Variants in PRKAA1 observed in about 807,000 individuals in gnomAD.
PRKAA1 encodes 5'-AMP-activated protein kinase catalytic subunit alpha-1.
In PRKAA1, 23 loss-of-function variants were observed where a neutral mutation model predicts 56.9. The ratio of observed to expected loss-of-function variants is 0.40; its 90% CI spans 0.29 to 0.57. The LOEUF (loss-of-function observed/expected upper bound fraction) is 0.57, where lower values mean the gene tolerates loss of function less well. PRKAA1 is among the 20% of genes least tolerant of loss of function. The pLI is 0.39. For synonymous variants in PRKAA1, 226 were observed against 227.0 expected (o/e 1.00, Z 0.04); for missense variants, 413 against 679.7 (o/e 0.61, Z 4.36).
At chr5:40,793,117 G>GT (rs1744784559) in intron 1 of PRKAA1, among the ~76,000 whole-genome samples, 1 of 151,544 alleles carries the variant, frequency 6.6e-6, no homozygotes, top group Non-Finnish European at 1.5e-5. Flanking sequence ...CAACTTAATA[G>GT]TTTATATGTA....
Position 40,798,130 on chromosome 5 carries a change from C to CCCGT in PRKAA1, c.56_59dup (p.Val22AlafsTer11). ...GAATGTAGTGGCCGATCTTCACCCG[C>CCCGT]CCGTCGTGTTTCTGCTTCTCGGCTG... On this transcript the variant is annotated frameshift_variant, in exon 1 of 9. Transcript: ENST00000397128. LOFTEE classifies it high-confidence loss of function. 6.2e-7 allele frequency: 1 copy of CCCGT among 1,607,364 alleles called. No homozygotes were observed. Among genetic ancestry groups the CCCGT allele is most frequent in the Non-Finnish European group, 8.5e-7 (1 of 1,176,310 alleles).
chr5:40,763,170 G>C, intron 8 of PRKAA1, 148 bp from the exon 9 acceptor site: 1 of 756,060 alleles, frequency 1.3e-6, no homozygotes, highest in African/African-American at 1.8e-5. Context: ...CAGTCAATGA[G>C]CCTGTATTAA....
At position 40,778,832 on chromosome 5, in the gene PRKAA1, G is replaced by C. The variant is rs542383073; in HGVS notation, c.128-1246C>G. 1.5e-4 allele frequency among the ~76,000 whole-genome samples: 22 copies of C among 143,216 alleles called. No individual in the cohort carries two copies. In the South Asian group the frequency reaches 4.9e-3, roughly 32 times the overall value. The allele number at this position is 143,216 out of a possible 152,430, so 94.0% of individuals were successfully genotyped here. A position where few individuals can be genotyped will look rare whatever the true frequency, so the allele number is the denominator to read the frequency against. On this transcript the variant is annotated intron_variant, in intron 1 of 8. Coordinates refer to ENST00000397128, the MANE Select transcript of PRKAA1 (RefSeq NM_006251.6). ...GACAGGGTGTCACTCTATCACCCAG[G>C]GTGGAGTGCCGTGTCACAATCAGAG...
At position 40,775,425 on chromosome 5, in the gene PRKAA1, G is replaced by A. The variant is rs1743954394; in HGVS notation, c.348C>T (p.Ile116=). 2 of 1,598,164 alleles carry A rather than the reference G, an allele frequency of 1.3e-6. No individual in the cohort carries two copies. Among genetic ancestry groups the A allele is most frequent in the African/African-American group, 1.3e-5 (1 of 74,542 alleles). The change falls in exon 3 of 9, where the codon ATC becomes ATT. Residue 116 remains isoleucine, a synonymous_variant. Transcript: ENST00000397128. ...AACAGCTTACCCTTCCATTCTTACA[G>A]ATATAATCAAATAGCTCTCCTCCTG... The part of the protein sequence containing the change: ...YVSGGELFDY[I]CKNGRLDEKE...
intron 3 of PRKAA1, among the ~76,000 whole-genome samples, chr5:40,775,140 G>A (rs1349985636): frequency 6.6e-6 from 1 of 152,142 alleles, no homozygotes; most frequent in African/African-American, 2.4e-5. Context: ...AGTTCTGGGG[G>A]CTCAAGCCAA....
At chr5:40,764,366 A>T in intron 8 of PRKAA1, 148 bp downstream of exon 8, 1 of 693,060 alleles carries the variant, frequency 1.4e-6, no homozygotes, top group Non-Finnish European at 2.3e-6. Flanking sequence ...CATAAATGTT[A>T]ATATTGCAAA....
intron 1 of PRKAA1, among the ~76,000 whole-genome samples, chr5:40,789,637 G>A (rs1459287188): frequency 6.6e-6 from 1 of 152,180 alleles, no homozygotes; most frequent in Non-Finnish European, 1.5e-5. Flanking sequence ...GGGTAAGTGG[G>A]GCTGGAGGGG....
At chr5:40,787,191 C>T (rs962064994) in intron 1 of PRKAA1, among the ~76,000 whole-genome samples, 3 of 151,794 alleles carry the variant, frequency 2.0e-5, no homozygotes, top group Admixed American at 6.6e-5. Context: ...GCTAGCCAGG[C>T]GCGGTGGCTC....
At position 40,767,593 on chromosome 5, in the gene PRKAA1, T is replaced by C. The variant is rs373338557; in HGVS notation, c.694A>G (p.Thr232Ala). The change falls in exon 6 of 9, where the codon ACT becomes GCT. Residue 232 changes from threonine (T) to alanine (A), a missense_variant. Around this residue, in one of 9 missense-constraint regions of PRKAA1, gnomAD observed 113 missense variants for 198.6 expected, o/e 0.57. Coordinates refer to ENST00000397128, the MANE Select transcript of PRKAA1 (RefSeq NM_006251.6). ...CCATCACATATCTTCTTAAAAAGAG[T>C]TGGCACATGGTCATCATCAAATGGA... ...TLPFDDDHVP[T>A]LFKKICDGIF... 3.1e-6 allele frequency: 5 copies of C among 1,613,316 alleles called. No homozygotes were observed. The highest frequency in any genetic ancestry group is 4.2e-6 in the Non-Finnish European group (5 of 1,179,512).
intron 5 of PRKAA1, chr5:40,768,955 C>CA: frequency 6.9e-7 from 1 of 1,454,842 alleles, no homozygotes; most frequent in Non-Finnish European, 9.4e-7. Context: ...GTTTAAAGAA[C>CA]AAAGATTCAA....
rs756048705 is a variant in PRKAA1, at chr5:40,762,980, C to G, written c.1478G>C (p.Arg493Thr). Residue 493 changes from arginine (R) to threonine (T), a missense_variant, in exon 9 of 9, where the codon AGA becomes ACA. Arg to Thr is a moderately conservative substitution (Grantham distance 71). Coordinates refer to ENST00000397128, the MANE Select transcript of PRKAA1 (RefSeq NM_006251.6). ...TCGATAGTTGCTAACTGATCCCGAT[C>G]TCTGTGGAGTAGCAGTCCCTGATTT... ...EAKSGTATPQ[R>T]SGSVSNYRSC... 2 of 1,614,006 alleles carry G rather than the reference C, an allele frequency of 1.2e-6. No homozygotes were observed. Among genetic ancestry groups the G allele is most frequent in the African/African-American group, 2.7e-5 (2 of 74,932 alleles).
intron 1 of PRKAA1, among the ~76,000 whole-genome samples, chr5:40,794,750 G>A (rs1462840084): frequency 7.9e-6 from 1 of 126,162 alleles, no homozygotes; most frequent in African/African-American, 2.6e-5. Context: ...AGGGTGAACA[G>A]GGAACACTTC....
rs534914424 is a variant in PRKAA1 at position 40,760,786 on chromosome 5, C to T, written c.*1992G>A. 1 of 152,764 alleles carries T rather than the reference C, an allele frequency of 6.5e-6. No individual in the cohort carries two copies. The highest frequency in any genetic ancestry group is 2.1e-4 in the South Asian group (1 of 4,818). The allele number at this position is 152,764 out of a possible 1,614,324, so 9.5% of individuals were successfully genotyped here. ...CTATCATGACATTTGAGTTCATTAT[C>T]ATCTGGTTACATAAGTGCTCACTGT... On this transcript the variant is annotated 3_prime_UTR_variant, in exon 9 of 9. Transcript: ENST00000397128.
intron 3 of PRKAA1, chr5:40,775,086 T>G: frequency 1.2e-6 from 1 of 862,408 alleles, no homozygotes; most frequent in East Asian, 2.6e-5. Flanking sequence ...AGATACATAT[T>G]CAAAGTATTT....
chr5:40,781,991 T>C (rs1744284815), intron 1 of PRKAA1, among the ~76,000 whole-genome samples: 1 of 152,206 alleles, frequency 6.6e-6, no homozygotes, highest in Non-Finnish European at 1.5e-5. Flanking sequence ...TTAGAACAAG[T>C]ATGTTGAAAC....
chr5:40,797,666 A>C (rs1254465762), intron 1 of PRKAA1, among the ~76,000 whole-genome samples: 1 of 152,228 alleles, frequency 6.6e-6, no homozygotes, highest in Non-Finnish European at 1.5e-5. Context: ...GCTGGCCCTG[A>C]GCCAAGGGAG....
rs168731 is a variant in PRKAA1, at chr5:40,797,709, G to C, written c.127+354C>G. 1.1e-3 allele frequency among the ~76,000 whole-genome samples: 170 copies of C among 152,308 alleles called. 1 individual carries two copies. The East Asian group carries it at 0.028, about 25-fold the overall frequency. Reference sequence around the variant, plus strand: ...CGGGCGCACAAGATGCCGCCTCCCCGGGGATCGCGCCCGGCGCCCCCTCCC... The same window carrying C: ...CGGGCGCACAAGATGCCGCCTCCCCCGGGATCGCGCCCGGCGCCCCCTCCC... On this transcript the variant is annotated intron_variant, in intron 1 of 8. Transcript: ENST00000397128.
intron 1 of PRKAA1, among the ~76,000 whole-genome samples, chr5:40,779,188 G>A (rs575526850): frequency 2.0e-5 from 3 of 151,526 alleles, no homozygotes; most frequent in African/African-American, 4.8e-5. Flanking sequence ...CTAGACAGTC[G>A]GTGGTGACAG....
At chr5:40,771,921 C>G in intron 3 of PRKAA1, 58 bp from the exon 4 acceptor site, 3 of 1,550,928 alleles carry the variant, frequency 1.9e-6, no homozygotes, top group Non-Finnish European at 2.6e-6. Context: ...ATTGTCCTAT[C>G]TATAATTCTC....
Sources: gnomAD v4.1 joint callset for allele counts (sites outside exome capture counted in the v4.1 genomes callset) on GRCh38, gnomAD v4.1.1 for gene constraint, gnomAD v4.1.1 regional missense constraint, MANE v1.5 for transcripts, NCBI Gene and HGNC (gene_info 2026-07-23, HGNC 2026-07-21) for gene names.